GPBP1: variants seen among roughly 807,000 people sequenced by gnomAD.
GPBP1 encodes GC-rich promoter binding protein 1, also known as vasculin.
In GPBP1, 13 loss-of-function variants were observed where a neutral mutation model predicts 56.5. The ratio of observed to expected loss-of-function variants is 0.23; its 90% CI spans 0.15 to 0.37. The LOEUF is 0.37. Ranked by LOEUF, GPBP1 falls within the 10% of genes least tolerant of loss-of-function variation. The pLI is 1.00. For synonymous variants in GPBP1, 204 were observed against 188.9 expected, an observed-to-expected ratio of 1.08 and a Z score of -0.66; for missense variants, 477 against 572.3, an observed-to-expected ratio of 0.83 and a Z score of 1.70.
At chr5:57,219,780 C>T (rs1166571196) in intron 3 of GPBP1, among the ~76,000 whole-genome samples, 5 of 151,868 alleles carry the variant, frequency 3.3e-5, no homozygotes, top group East Asian at 3.9e-4. Context: ...GGGCCGGGTG[C>T]GGTGGCTCAT....
chr5:57,262,502 G>A, intron 11 of GPBP1, 92 bp from the exon 12 acceptor site: 1 of 989,882 alleles, frequency 1.0e-6, no homozygotes, highest in Non-Finnish European at 1.5e-6. Flanking sequence ...TTTTGGGTTA[G>A]GATACAATTT....
intron 3 of GPBP1, among the ~76,000 whole-genome samples, chr5:57,227,345 G>A (rs1400678233): frequency 6.6e-6 from 1 of 152,014 alleles, no homozygotes; most frequent in Non-Finnish European, 1.5e-5. Context: ...GGGATTACAG[G>A]CATGAGCCAC....
intron 10 of GPBP1, among the ~76,000 whole-genome samples, chr5:57,254,176 T>C (rs2111956675): frequency 6.6e-6 from 1 of 152,314 alleles, no homozygotes; most frequent in South Asian, 2.1e-4. Flanking sequence ...TCCTCCTGCC[T>C]TGGCCTCCCA....
rs550412885 is a variant in GPBP1 at position 57,211,416 on chromosome 5, T to G, written c.-57-2658T>G. Among the ~76,000 whole-genome samples, 3 of 152,252 alleles carry G rather than the reference T, an allele frequency of 2.0e-5. No individual in the cohort carries two copies. The South Asian group carries it at 6.2e-4, about 32-fold the overall frequency. On this transcript the variant is annotated intron_variant, in intron 2 of 11. Coordinates refer to ENST00000506184, the MANE Select transcript of GPBP1 (RefSeq NM_022913.4). ...GTTGCCAAGGCCGGCCTCAATCTCCTGGGCTCAAGGGAGCCTCCCACTTCA... is the reference window on the plus strand; with the variant it reads ...GTTGCCAAGGCCGGCCTCAATCTCCGGGGCTCAAGGGAGCCTCCCACTTCA...
In GPBP1 at chr5:57,262,919, G is replaced by T. The variant is rs566629741; in HGVS notation, c.*167G>T. 1 of 557,794 alleles carries T rather than the reference G, an allele frequency of 1.8e-6. No homozygotes were observed. The highest frequency in any genetic ancestry group is 3.5e-5 in the Admixed American group (1 of 28,400). 34.6% of individuals were successfully genotyped at this position (557,794 alleles called of 1,614,324 possible). A position where few individuals can be genotyped will look rare whatever the true frequency, so the allele number is the denominator to read the frequency against. On this transcript the variant is annotated 3_prime_UTR_variant, in exon 12 of 12. Coordinates refer to ENST00000506184, the MANE Select transcript of GPBP1 (RefSeq NM_022913.4). The stretch of plus-strand genomic sequence containing the variant: ...AAAACCAAGAATGTTTTGTTGGGCT[G>T]TGTTGAACATTATTTCTTTGTAAAT...
At chr5:57,202,360 C>T (rs1755055215) in intron 2 of GPBP1, among the ~76,000 whole-genome samples, 1 of 152,152 alleles carries the variant, frequency 6.6e-6, no homozygotes. Flanking sequence ...CTGATCTTGG[C>T]TCGCTGCAAG....
intron 1 of GPBP1, among the ~76,000 whole-genome samples, chr5:57,175,029 A>G (rs549081560): frequency 6.6e-6 from 1 of 152,338 alleles, no homozygotes; most frequent in African/African-American, 2.4e-5. Flanking sequence ...TCTGAGTTAC[A>G]TTCGCTAATA....
At chr5:57,260,924 C>CA (rs1741868161) in intron 10 of GPBP1, among the ~76,000 whole-genome samples, 1 of 152,056 alleles carries the variant, frequency 6.6e-6, no homozygotes. Context: ...TAAAAGTTTC[C>CA]AGCCTGAAGA....
chr5:57,224,949 GA>G (rs1238873175), intron 3 of GPBP1, among the ~76,000 whole-genome samples: 1 of 151,354 alleles, frequency 6.6e-6, no homozygotes, highest in Non-Finnish European at 1.5e-5. Context: ...CATTGAGAAC[GA>G]AGGTAGGGGA....
intron 2 of GPBP1, among the ~76,000 whole-genome samples, chr5:57,198,578 C>T (rs988568377): frequency 1.5e-4 from 23 of 152,028 alleles, no homozygotes; most frequent in South Asian, 4.1e-4. Context: ...TTAGGCCGGG[C>T]GCAGTCACAC....
At chr5:57,229,795 C>T (rs1561357004) in intron 3 of GPBP1, among the ~76,000 whole-genome samples, 2 of 151,906 alleles carry the variant, frequency 1.3e-5, no homozygotes, top group Non-Finnish European at 2.9e-5. Context: ...CACCTCAGTA[C>T]CCCAAAGTGC....
intron 2 of GPBP1, among the ~76,000 whole-genome samples, chr5:57,189,277 C>T (rs572755327): frequency 6.6e-6 from 1 of 152,302 alleles, no homozygotes; most frequent in East Asian, 1.9e-4. Flanking sequence ...TGCCACCGTG[C>T]CCAGCTAATT....
chr5:57,200,437 G>A (rs937775416), intron 2 of GPBP1, among the ~76,000 whole-genome samples: 3 of 141,910 alleles, frequency 2.1e-5, no homozygotes, highest in South Asian at 2.2e-4. Context: ...GCACGATCTC[G>A]GCTCACTGCC....
chr5:57,259,138 C>G (rs1163839498), intron 10 of GPBP1, among the ~76,000 whole-genome samples: 1 of 152,182 alleles, frequency 6.6e-6, no homozygotes, highest in Non-Finnish European at 1.5e-5. Flanking sequence ...ATGATTAATG[C>G]TGACTGTGAC....
At chr5:57,215,401 C>G (rs1755658856) in intron 3 of GPBP1, among the ~76,000 whole-genome samples, 2 of 152,234 alleles carry the variant, frequency 1.3e-5, no homozygotes, top group African/African-American at 4.8e-5. Flanking sequence ...TTCTGTAAAG[C>G]TGTTTGCCTC....
At position 57,246,148 on chromosome 5, in the gene GPBP1, G is replaced by C. The variant is rs1741077313; in HGVS notation, c.479-152G>C. On this transcript the variant is annotated intron_variant, in intron 6 of 11. Transcript: ENST00000506184. ...GCTTTACTTGTTCAATTGGAATATA[G>C]TTTGTACTTTTTTAGTTTAGTTATT... 3 of 543,794 alleles carry C rather than the reference G, an allele frequency of 5.5e-6. No homozygotes were observed. In the South Asian group the frequency reaches 8.9e-5, roughly 16 times the overall value. The allele number at this position is 543,794 out of a possible 1,614,324, so 33.7% of individuals were successfully genotyped here.
intron 10 of GPBP1, 149 bp from the exon 11 acceptor site, chr5:57,261,031 C>T: frequency 2.0e-6 from 1 of 499,846 alleles, no homozygotes; most frequent in Non-Finnish European, 3.7e-6. Context: ...GAAAGATACT[C>T]AAAGCCTGAG....
intron 6 of GPBP1, 23 bp from the exon 7 acceptor site, chr5:57,246,277 T>C: frequency 6.3e-7 from 1 of 1,582,944 alleles, no homozygotes; most frequent in Non-Finnish European, 8.6e-7. Flanking sequence ...TGAGTGACTC[T>C]TGGTCATGCT....
intron 2 of GPBP1, among the ~76,000 whole-genome samples, chr5:57,206,207 T>A (rs1755228898): frequency 6.6e-6 from 1 of 152,172 alleles, no homozygotes; most frequent in African/African-American, 2.4e-5. Flanking sequence ...AGATAATATT[T>A]TTTGCACATG....
Sources: allele counts gnomAD v4.1 joint callset (sites outside exome capture counted in the v4.1 genomes callset), GRCh38; gene constraint gnomAD v4.1.1; transcripts MANE v1.5; gene names NCBI Gene and HGNC (gene_info 2026-07-23, HGNC 2026-07-21).